Variants in ANO6 observed in about 807,000 individuals in gnomAD.
ANO6 encodes anoctamin-6.
A neutral mutation model predicts 117.5 loss-of-function variants in ANO6; 106 were observed. The ratio of observed to expected loss-of-function variants is 0.90; its 90% CI spans 0.77 to 1.06. The LOEUF (loss-of-function observed/expected upper bound fraction) is 1.06. Among genes scored for constraint, ANO6 ranks in the 50% least tolerant of loss-of-function variants. The probability of loss-of-function intolerance (pLI) is 0.00; values close to 1 mark genes in which losing one functional copy is unlikely to be tolerated. For synonymous variants in ANO6, 367 were observed against 385.1 expected (o/e 0.95, Z 0.55); for missense variants, 955 against 1,121.1 (o/e 0.85, Z 2.12).
At chr12:45,379,852 C>G (rs1942124265) in intron 10 of ANO6, among the ~76,000 whole-genome samples, 1 of 152,178 alleles carries the variant, frequency 6.6e-6, no homozygotes, top group African/African-American at 2.4e-5. Flanking sequence ...TATTTCAGCA[C>G]TGCCTATAGC....
chr12:45,217,171 T>G (rs1289772111), intron 1 of ANO6, among the ~76,000 whole-genome samples: 5 of 146,254 alleles, frequency 3.4e-5, no homozygotes, highest in East Asian at 2.0e-4. Context: ...TGAGAGGAGG[T>G]GAGGAAGGGG....
At chr12:45,377,401 A>G (rs575709188) in intron 9 of ANO6, among the ~76,000 whole-genome samples, 2 of 152,238 alleles carry the variant, frequency 1.3e-5, no homozygotes, top group Non-Finnish European at 2.9e-5. Flanking sequence ...TTATTTGGCC[A>G]GATACGTTAT....
At chr12:45,410,720 C>T (rs530128838) in intron 16 of ANO6, among the ~76,000 whole-genome samples, 5 of 152,244 alleles carry the variant, frequency 3.3e-5, no homozygotes, top group African/African-American at 1.2e-4. Flanking sequence ...TGCATGTTGG[C>T]AAAGACACCC....
chr12:45,244,410 G>GC (rs1280801895), intron 1 of ANO6, among the ~76,000 whole-genome samples: 2 of 149,374 alleles, frequency 1.3e-5, no homozygotes, highest in Non-Finnish European at 3.0e-5. Flanking sequence ...ATTTGGGGGG[G>GC]GGGGGTGGTC....
At chr12:45,222,420 C>T (rs1241809141) in intron 1 of ANO6, among the ~76,000 whole-genome samples, 1 of 152,140 alleles carries the variant, frequency 6.6e-6, no homozygotes, top group African/African-American at 2.4e-5. Flanking sequence ...CTCGGCCTCC[C>T]AAAGTGCTGA....
intron 19 of ANO6, among the ~76,000 whole-genome samples, chr12:45,424,357 A>ATGG (rs1555181084): frequency 1.7e-5 from 2 of 118,646 alleles, no homozygotes; most frequent in Admixed American, 9.4e-5. Context: ...TTTTTTTTTA[A>ATGG]AGACAGAGTC....
chr12:45,244,382 A>G (rs530228915), intron 1 of ANO6, among the ~76,000 whole-genome samples: 1 of 122,178 alleles, frequency 8.2e-6, no homozygotes, highest in African/African-American at 3.2e-5. Context: ...AGCAGCGGTT[A>G]CTACATAGGG....
chr12:45,348,418 AAAG>A lies in ANO6; in HGVS notation c.634-97_634-95del, dbSNP rs1407314151. On this transcript the variant is annotated intron_variant, in intron 5 of 19. Transcript: ENST00000320560. ...TATTTTTAAAAACTGCACAAAAAGA[AAAG>A]AAATATGCCAGCAGATTTGTGTTAC... 1.8e-5 allele frequency: 28 copies of A among 1,570,268 alleles called. 1 individual carries two copies. The highest frequency in any genetic ancestry group is 9.0e-5 in the East Asian group (4 of 44,568).
At position 45,350,756 on chromosome 12, in the gene ANO6, AG is replaced by A. The variant is rs751929828; in HGVS notation, c.846del (p.Gln282HisfsTer34). ...CATCCTCGAAGCATATACAAAAAGC[AG>A]CCCTTGGATCTTATCAGGTGAGGGG... Reference protein sequence around the residue: ...WAHPRSIYKKQPLDLIRKYYG... With the variant: ...WAHPRSIYKKXPLDLIRKYYG... On this transcript the variant is annotated frameshift_variant, in exon 7 of 20. Transcript: ENST00000320560. LOFTEE classifies it high-confidence loss of function. 2.1e-5 allele frequency: 34 copies of A among 1,613,588 alleles called. No individual in the cohort carries two copies. The highest frequency in any genetic ancestry group is 2.9e-5 in the Non-Finnish European group (34 of 1,179,686).
At chr12:45,222,732 A>G (rs1447945655) in intron 1 of ANO6, among the ~76,000 whole-genome samples, 1 of 152,078 alleles carries the variant, frequency 6.6e-6, no homozygotes, top group African/African-American at 2.4e-5. Context: ...ACTGCCCATA[A>G]AGAAATTCTC....
At chr12:45,260,560 A>G (rs890380335) in intron 1 of ANO6, among the ~76,000 whole-genome samples, 1 of 151,238 alleles carries the variant, frequency 6.6e-6, no homozygotes, top group Non-Finnish European at 1.5e-5. Context: ...GAATCAAGTA[A>G]CCTCCCAAAG....
chr12:45,263,927 T>A (rs1388158713), intron 1 of ANO6, among the ~76,000 whole-genome samples: 3 of 152,208 alleles, frequency 2.0e-5, no homozygotes, highest in South Asian at 4.1e-4. Context: ...TTTTTTCCCC[T>A]TTAAACGTAT....
At chr12:45,229,578 C>T (rs981563524) in intron 1 of ANO6, among the ~76,000 whole-genome samples, 29 of 151,956 alleles carry the variant, frequency 1.9e-4, no homozygotes, top group African/African-American at 4.8e-5. Context: ...TTAATAGAGA[C>T]GGGGTTTCAC....
intron 1 of ANO6, among the ~76,000 whole-genome samples, chr12:45,242,393 G>A (rs563595000): frequency 3.0e-4 from 45 of 152,384 alleles, no homozygotes; most frequent in African/African-American, 9.6e-4. Flanking sequence ...GCATGGGAGA[G>A]AATCGCCTGG....
chr12:45,397,761 C>A (rs879206134), intron 12 of ANO6, among the ~76,000 whole-genome samples: 1 of 152,194 alleles, frequency 6.6e-6, no homozygotes, highest in Non-Finnish European at 1.5e-5. Context: ...CGCATGTTCT[C>A]ACTCATAGGT....
At chr12:45,315,995 T>G (rs771909260) in intron 2 of ANO6, among the ~76,000 whole-genome samples, 3 of 152,034 alleles carry the variant, frequency 2.0e-5, no homozygotes, top group Non-Finnish European at 4.4e-5. Context: ...CATTACCACT[T>G]TTGCCACACA....
intron 1 of ANO6, among the ~76,000 whole-genome samples, chr12:45,247,515 G>A (rs1428944544): frequency 1.3e-5 from 2 of 152,200 alleles, no homozygotes; most frequent in Non-Finnish European, 2.9e-5. Context: ...AATCACTGAG[G>A]TGGTTCCTGG....
At chr12:45,433,258 T>G (rs1209480080), downstream of ANO6, among the ~76,000 whole-genome samples, 1 of 152,216 alleles carries the variant, frequency 6.6e-6, no homozygotes. Flanking sequence ...TGAGTCTTTG[T>G]CAAAACACCA....
chr12:45,324,653 A>G lies in ANO6; in HGVS notation c.151-6642A>G, dbSNP rs531322512. 3.9e-4 allele frequency among the ~76,000 whole-genome samples: 59 copies of G among 152,292 alleles called. No homozygotes were observed. The Middle Eastern group carries it at 0.014, about 35-fold the overall frequency. ...CTACTGTAAAAGATGAGTTCACCAA[A>G]GAAATTGTACCAGGAAAAACCCTTA... On this transcript the variant is annotated intron_variant, in intron 2 of 19. Coordinates refer to ENST00000320560, the MANE Select transcript of ANO6 (RefSeq NM_001025356.3).
Sources: allele counts gnomAD v4.1 joint callset (sites outside exome capture counted in the v4.1 genomes callset), GRCh38; gene constraint gnomAD v4.1.1; transcripts MANE v1.5; gene names NCBI Gene and HGNC (gene_info 2026-07-23, HGNC 2026-07-21).